The following PTPRK variants were observed in gnomAD, a reference collection of about 807,000 sequenced individuals.
The protein encoded by PTPRK is receptor-type tyrosine-protein phosphatase kappa.
A neutral mutation model predicts 178.0 loss-of-function variants in PTPRK; 75 were observed. The ratio of observed to expected loss-of-function variants is 0.42; its 90% confidence interval spans 0.35 to 0.51. PTPRK has a LOEUF of 0.51. Among genes scored for constraint, PTPRK ranks in the 20% least tolerant of loss-of-function variants. The pLI is 0.02. For synonymous variants in PTPRK, 637 were observed against 620.6 expected (o/e 1.03, Z -0.39); for missense variants, 1,441 against 1,797.8 (o/e 0.80, Z 3.59).
intron 13 of PTPRK, among the ~76,000 whole-genome samples, chr6:128,035,681 TAAG>T (rs1280146257): frequency 6.6e-6 from 1 of 152,162 alleles, no homozygotes; most frequent in African/African-American, 2.4e-5. Flanking sequence ...ACATTACAAA[TAAG>T]AAGTGATATT....
chr6:128,242,117 C>T (rs886341613), intron 4 of PTPRK, among the ~76,000 whole-genome samples: 3 of 152,012 alleles, frequency 2.0e-5, no homozygotes, highest in Non-Finnish European at 4.4e-5. Flanking sequence ...TCATTTCACC[C>T]CAGCCCTCAA....
At chr6:128,061,831 T>G (rs1780884751) in intron 13 of PTPRK, among the ~76,000 whole-genome samples, 1 of 152,314 alleles carries the variant, frequency 6.6e-6, no homozygotes, top group East Asian at 1.9e-4. Context: ...GCCATGCAAT[T>G]TTTAATGTAT....
chr6:128,492,522 T>G (rs776976621), intron 1 of PTPRK, among the ~76,000 whole-genome samples: 1 of 148,594 alleles, frequency 6.7e-6, no homozygotes. Context: ...AGCTTGAAAC[T>G]TATTTGTCTT....
intron 1 of PTPRK, among the ~76,000 whole-genome samples, chr6:128,513,828 C>A (rs536960403): frequency 6.6e-6 from 1 of 152,126 alleles, no homozygotes; most frequent in Non-Finnish European, 1.5e-5. Context: ...CCCAGGACAC[C>A]TTGCAGTGAG....
intron 7 of PTPRK, among the ~76,000 whole-genome samples, chr6:128,158,819 A>G (rs897108936): frequency 6.6e-6 from 1 of 151,898 alleles, no homozygotes; most frequent in Non-Finnish European, 1.5e-5. Flanking sequence ...GCTTTTTAAA[A>G]AATCTTCATT....
intron 7 of PTPRK, among the ~76,000 whole-genome samples, chr6:128,092,597 T>TGAAAGGTGC (rs1264370862): frequency 6.6e-6 from 1 of 152,206 alleles, no homozygotes; most frequent in Admixed American, 6.5e-5. Flanking sequence ...CACATACATG[T>TGAAAGGTGC]GAAAGGTGCT....
At chr6:128,444,957 T>C (rs929847882) in intron 1 of PTPRK, among the ~76,000 whole-genome samples, 3 of 151,988 alleles carry the variant, frequency 2.0e-5, no homozygotes, top group Non-Finnish European at 4.4e-5. Flanking sequence ...GTACATATAT[T>C]CCACATTTAT....
intron 13 of PTPRK, 26 bp downstream of exon 13, chr6:128,064,732 A>G (rs780839594): frequency 1.3e-6 from 2 of 1,580,836 alleles, no homozygotes; most frequent in African/African-American, 2.7e-5. Context: ...AGTAGTTAAA[A>G]CAAGCAAAAA....
chr6:128,444,310 G>A (rs538228349), intron 1 of PTPRK, among the ~76,000 whole-genome samples: 17 of 152,172 alleles, frequency 1.1e-4, no homozygotes, highest in African/African-American at 4.1e-4. Flanking sequence ...TCATTCCCCC[G>A]ATTCCCATCC....
chr6:128,270,185 A>ACAATAT (rs1819585401), intron 3 of PTPRK, among the ~76,000 whole-genome samples: 1 of 152,134 alleles, frequency 6.6e-6, no homozygotes, highest in South Asian at 2.1e-4. Context: ...ATAAATTACA[A>ACAATAT]CAATATCAAC....
At chr6:128,156,416 C>T (rs184610207) in intron 7 of PTPRK, among the ~76,000 whole-genome samples, 2 of 151,806 alleles carry the variant, frequency 1.3e-5, no homozygotes, top group Non-Finnish European at 2.9e-5. Flanking sequence ...GCTTGGAGGC[C>T]TCAGGAAACT....
chr6:128,289,530 T>C (rs1002746584), intron 3 of PTPRK, among the ~76,000 whole-genome samples: 7 of 152,150 alleles, frequency 4.6e-5, no homozygotes, highest in East Asian at 3.8e-4. Flanking sequence ...ATCAATGCAA[T>C]GACATTAAAC....
intron 13 of PTPRK, among the ~76,000 whole-genome samples, chr6:128,035,314 T>G (rs1366844072): frequency 6.6e-6 from 1 of 152,092 alleles, no homozygotes; most frequent in East Asian, 1.9e-4. Context: ...TGCAGTGAGC[T>G]GAGATTGTGC....
At chr6:128,080,692 T>C (rs1784661106) in intron 10 of PTPRK, among the ~76,000 whole-genome samples, 1 of 152,088 alleles carries the variant, frequency 6.6e-6, no homozygotes, top group Non-Finnish European at 1.5e-5. Flanking sequence ...TTCACTGTTA[T>C]TTAAATTATT....
chr6:128,107,518 G>T (rs1789923675), intron 7 of PTPRK, among the ~76,000 whole-genome samples: 1 of 152,076 alleles, frequency 6.6e-6, no homozygotes, highest in Non-Finnish European at 1.5e-5. Flanking sequence ...AAGTGATGGA[G>T]AAATAAATTG....
chr6:128,064,009 C>T (rs1021415929), intron 13 of PTPRK, among the ~76,000 whole-genome samples: 9 of 152,208 alleles, frequency 5.9e-5, no homozygotes, highest in African/African-American at 1.4e-4. Context: ...CCCACGTCTG[C>T]ATGCAGACAG....
Position 128,503,842 on chromosome 6 carries a change from T to TTGTGTGTGTGTGTGTGTGTG in PTPRK, c.100+16397_100+16416dup, listed in dbSNP as rs57723685. Reference sequence around the variant, plus strand: ...CATGCACCACTATGCCTGGTTATTATTGTGTGTGTGTGTGTGTGTGTGTGT... The same window carrying TTGTGTGTGTGTGTGTGTGTG: ...CATGCACCACTATGCCTGGTTATTATTGTGTGTGTGTGTGTGTGTGTGTGTGTGTGTGTGTGTGTGTGTGT... On this transcript the variant is annotated intron_variant, in intron 1 of 29. Coordinates refer to ENST00000368226, the MANE Select transcript of PTPRK (RefSeq NM_002844.4). 2.4e-3 allele frequency among the ~76,000 whole-genome samples: 332 copies of TTGTGTGTGTGTGTGTGTGTG among 139,954 alleles called. 1 individual carries two copies. The highest frequency in any genetic ancestry group is 7.3e-3 in the African/African-American group (267 of 36,802). The allele number at this position is 139,954 out of a possible 152,430, so 91.8% of individuals were successfully genotyped here.
chr6:128,325,197 C>T (rs1384607247), intron 2 of PTPRK, among the ~76,000 whole-genome samples: 3 of 152,078 alleles, frequency 2.0e-5, no homozygotes, highest in African/African-American at 7.2e-5. Flanking sequence ...ACAGAGAAAA[C>T]TATATATGCT....
chr6:128,051,740 T>C (rs1396075753), intron 13 of PTPRK, among the ~76,000 whole-genome samples: 2 of 152,222 alleles, frequency 1.3e-5, no homozygotes, highest in African/African-American at 4.8e-5. Context: ...CATATGTTTT[T>C]ACCACTCCCA....
Sources: gnomAD v4.1 joint callset for allele counts (sites outside exome capture counted in the v4.1 genomes callset) on GRCh38, gnomAD v4.1.1 for gene constraint, MANE v1.5 for transcripts, NCBI Gene and HGNC (gene_info 2026-07-23, HGNC 2026-07-21) for gene names.